ACSBG1: variants seen among roughly 807,000 people sequenced by gnomAD.
ACSBG1 encodes the protein long-chain-fatty-acid--CoA ligase ACSBG1.
A neutral mutation model predicts 80.2 loss-of-function variants in ACSBG1; 39 were observed. That is an observed-to-expected ratio of 0.49 (90% CI 0.38 to 0.64). The LOEUF (loss-of-function observed/expected upper bound fraction) is 0.64, where lower values mean the gene tolerates loss of function less well. ACSBG1 is among the 30% of genes least tolerant of loss of function. ACSBG1 has a pLI of 0.00. For missense variants in ACSBG1, 828 were observed against 966.4 expected (o/e 0.86, Z 1.90); for synonymous variants, 392 against 379.5 (o/e 1.03, Z -0.38).
In ACSBG1 at chr15:78,180,912, C is replaced by T. The variant is rs764329696; in HGVS notation, c.1096G>A (p.Glu366Lys). 6.2e-7 allele frequency: 1 copy of T among 1,614,148 alleles called. No homozygotes were observed. Among genetic ancestry groups the T allele is most frequent in the Admixed American group, 1.7e-5 (1 of 60,032 alleles). ...CCCATGTGTGATGTGGGCTCCACCT[C>T]CCGCAGCGTGTTCACCAGGCTCCCC... is the stretch of plus-strand genomic sequence containing the variant. Reference protein sequence around the residue: ...LKGSLVNTLREVEPTSHMGVP... With the variant: ...LKGSLVNTLRKVEPTSHMGVP... Residue 366 changes from glutamate to lysine, a missense_variant, in exon 9 of 14, where the codon GAG becomes AAG. By Grantham distance (56) the Glu-to-Lys change is moderately conservative. This residue lies in a region of ACSBG1 where 271 missense variants were observed against 375.9 expected (regional missense o/e 0.72). Coordinates refer to ENST00000258873, the MANE Select transcript of ACSBG1 (RefSeq NM_015162.5).
At chr15:78,233,685 T>TC (rs1294728161) in intron 1 of ACSBG1, among the ~76,000 whole-genome samples, 1 of 152,106 alleles carries the variant, frequency 6.6e-6, no homozygotes, top group Non-Finnish European at 1.5e-5. Flanking sequence ...GTCCTGGAGT[T>TC]CCGTGTGTGT....
chr15:78,222,728 A>G (rs1490576620), intron 1 of ACSBG1, among the ~76,000 whole-genome samples: 1 of 152,218 alleles, frequency 6.6e-6, no homozygotes, highest in African/African-American at 2.4e-5. Flanking sequence ...GGGAGGACAT[A>G]TTACATAAAA....
At chr15:78,224,639 T>C (rs1438665293) in intron 1 of ACSBG1, among the ~76,000 whole-genome samples, 1 of 152,080 alleles carries the variant, frequency 6.6e-6, no homozygotes, top group Non-Finnish European at 1.5e-5. Context: ...GAGAATGGCA[T>C]GAACCCAGGA....
chr15:78,207,030 G>A (rs964922927), intron 2 of ACSBG1, among the ~76,000 whole-genome samples: 1 of 152,252 alleles, frequency 6.6e-6, no homozygotes, highest in Admixed American at 6.5e-5. Context: ...TAAAGTCTGG[G>A]GTGTCTGAGC....
chr15:78,227,364 A>T (rs1171238479), intron 1 of ACSBG1, among the ~76,000 whole-genome samples: 1 of 152,148 alleles, frequency 6.6e-6, no homozygotes, highest in Non-Finnish European at 1.5e-5. Flanking sequence ...TAATAAAAGG[A>T]TTAAGAACCC....
chr15:78,231,282 G>A (rs567182178), intron 1 of ACSBG1, among the ~76,000 whole-genome samples: 13 of 117,206 alleles, frequency 1.1e-4, no homozygotes, highest in Admixed American at 1.0e-3. Flanking sequence ...CACCACGCCT[G>A]GCTAATTTTT....
intron 3 of ACSBG1, 87 bp downstream of exon 3, chr15:78,194,418 TG>T: frequency 8.1e-7 from 1 of 1,242,080 alleles, no homozygotes; most frequent in South Asian, 1.3e-5. Flanking sequence ...CCTTGCCCAG[TG>T]GGCAGTTGGA....
intron 1 of ACSBG1, among the ~76,000 whole-genome samples, chr15:78,228,119 G>C (rs918453418): frequency 1.3e-5 from 2 of 152,132 alleles, no homozygotes; most frequent in East Asian, 3.8e-4. Flanking sequence ...GGCCCTAGAT[G>C]TCCTTCACAT....
At chr15:78,180,978 T>C in intron 8 of ACSBG1, 42 bp from the exon 9 acceptor site, 1 of 1,592,818 alleles carries the variant, frequency 6.3e-7, no homozygotes, top group Non-Finnish European at 8.6e-7. Context: ...GTCAGGGGCA[T>C]CTGGGGCCCA....
In ACSBG1 at chr15:78,223,697, C is replaced by T. The variant is rs79831540; in HGVS notation, c.131+10674G>A. Among the ~76,000 whole-genome samples the T allele has an allele frequency of 2.4e-4, 36 of 152,200 alleles. No individual in the cohort carries two copies. In the East Asian group the frequency reaches 4.6e-3, roughly 20 times the overall value. On this transcript the variant is annotated intron_variant, in intron 1 of 13. Coordinates refer to ENST00000258873, the MANE Select transcript of ACSBG1 (RefSeq NM_015162.5). ...TATCCACGTAGTGTTACCATGTGAC[C>T]CAGCAAATGGAAAGCTGTTAAAATT...
At chr15:78,209,199 CTA>C (rs1224718621) in intron 1 of ACSBG1, 4 of 455,968 alleles carry the variant, frequency 8.8e-6, no homozygotes, top group Non-Finnish European at 1.3e-5. Flanking sequence ...CCGAACAAAA[CTA>C]AGTTTGTGAA....
Position 78,223,439 on chromosome 15 carries a change from T to C in ACSBG1, c.131+10932A>G, listed in dbSNP as rs546135926. The stretch of plus-strand genomic sequence containing the variant: ...TGCACATGTACCACAAAACCAAAAA[T>C]GAAAATAAATTAAAAAAATAGAGAC... On this transcript the variant is annotated intron_variant, in intron 1 of 13. Coordinates refer to ENST00000258873, the MANE Select transcript of ACSBG1 (RefSeq NM_015162.5). Among the ~76,000 whole-genome samples the C allele has an allele frequency of 3.9e-5, 6 of 151,904 alleles. No individual in the cohort carries two copies. The East Asian group carries it at 1.2e-3, about 29-fold the overall frequency.
rs1567105227 is a variant in ACSBG1 at position 78,234,475 on chromosome 15, G to GT, written c.26dup (p.Tyr9Ter). The part of the protein sequence containing the change: MPRNSGAG[Y>*]GCPHGDPSML... ...TGCTGGGGTCCCCGTGTGGGCAGCC[G>GT]TATCCAGCTCCAGAATTGCGTGGCA... is the stretch of plus-strand genomic sequence containing the variant. Residue 9 changes from tyrosine (Y) to a stop codon, truncating the protein, a stop_gained and frameshift_variant, in exon 1 of 14, where the codon TAC (tyrosine) becomes TAAC (stop). Coordinates refer to ENST00000258873, the MANE Select transcript of ACSBG1 (RefSeq NM_015162.5). LOFTEE classifies it high-confidence loss of function. 1 of 1,608,392 alleles carries GT rather than the reference G, an allele frequency of 6.2e-7. No individual in the cohort carries two copies. The highest frequency in any genetic ancestry group is 8.5e-7 in the Non-Finnish European group (1 of 1,177,862).
chr15:78,210,494 GACT>G (rs2075257836), intron 1 of ACSBG1, among the ~76,000 whole-genome samples: 4 of 152,314 alleles, frequency 2.6e-5, no homozygotes, highest in Admixed American at 2.6e-4. Flanking sequence ...TTCCTGACCT[GACT>G]TGTCACACAG....
At chr15:78,198,320 C>G in intron 2 of ACSBG1, among the ~76,000 whole-genome samples, 1 of 151,504 alleles carries the variant, frequency 6.6e-6, no homozygotes, top group East Asian at 1.9e-4. Context: ...GGATTACAGG[C>G]GTGAGCCACC....
rs535969156 is a variant in ACSBG1, at chr15:78,221,851, CT to C, written c.131+12519del. 3.3e-4 allele frequency among the ~76,000 whole-genome samples: 51 copies of C among 152,348 alleles called. 1 individual carries two copies. In the East Asian group the frequency reaches 6.0e-3, roughly 18 times the overall value. ...TTAACAAGGCACATCCTGCACAGCC[CT>C]AAATCCCTTAAACCTTGATTCAATA... On this transcript the variant is annotated intron_variant, in intron 1 of 13. Transcript: ENST00000258873.
At position 78,173,733 on chromosome 15, in the gene ACSBG1, A is replaced by G. The variant is rs1441776787; in HGVS notation, c.1949T>C (p.Ile650Thr). The G allele has an allele frequency of 5.0e-6, 8 of 1,614,000 alleles. No homozygotes were observed. Among genetic ancestry groups the G allele is most frequent in the Non-Finnish European group, 6.8e-6 (8 of 1,180,036 alleles). The stretch of plus-strand genomic sequence containing the variant: ...GTACACGGCCTCATCCTTCTTCTCT[A>G]TGATCTCGGACACTGTGGTGGCTCT... ...GSRATTVSEI[I>T]EKKDEAVYQA... Residue 650 changes from isoleucine to threonine, a missense_variant, in exon 13 of 14, where the codon ATA (isoleucine) becomes ACA (threonine). Physicochemically the swap from Ile to Thr is moderately conservative, Grantham distance 89. Transcript: ENST00000258873.
chr15:78,185,341 T>TC (rs1567083171), intron 5 of ACSBG1, among the ~76,000 whole-genome samples: 1 of 151,950 alleles, frequency 6.6e-6, no homozygotes, highest in South Asian at 2.1e-4. Flanking sequence ...TGCTCATGTT[T>TC]CCCCCCACCA....
intron 1 of ACSBG1, among the ~76,000 whole-genome samples, chr15:78,227,853 A>C (rs929344703): frequency 6.6e-6 from 1 of 152,238 alleles, no homozygotes; most frequent in Non-Finnish European, 1.5e-5. Flanking sequence ...TCAATCTCAC[A>C]AACATTTCGA....
Sources: allele counts gnomAD v4.1 joint callset (sites outside exome capture counted in the v4.1 genomes callset), GRCh38; gene constraint gnomAD v4.1.1; regional missense constraint gnomAD v4.1.1; transcripts MANE v1.5; gene names NCBI Gene and HGNC (gene_info 2026-07-23, HGNC 2026-07-21).